The following SV2B variants were observed in gnomAD, a reference collection of about 807,000 sequenced individuals.
SV2B encodes the protein solute carrier family 22 member B2.
Under a neutral mutation model 73.9 loss-of-function variants are expected in SV2B, and 41 were observed. That is an observed-to-expected ratio of 0.56 (90% confidence interval 0.43 to 0.72). The LOEUF (loss-of-function observed/expected upper bound fraction) is 0.72, where lower values mean the gene tolerates loss of function less well. SV2B is among the 30% of genes least tolerant of loss of function. The probability of loss-of-function intolerance (pLI) is 0.00; values close to 1 mark genes in which losing one functional copy is unlikely to be tolerated. For synonymous variants in SV2B, 314 were observed against 314.2 expected, an observed-to-expected ratio of 1.00 and a Z score of 0.01; for missense variants, 764 against 857.8, an observed-to-expected ratio of 0.89 and a Z score of 1.37.
At chr15:91,286,934 G>A (rs1318009032) in intron 11 of SV2B, among the ~76,000 whole-genome samples, 1 of 152,160 alleles carries the variant, frequency 6.6e-6, no homozygotes, top group African/African-American at 2.4e-5. Context: ...CTGACTATTA[G>A]CTGATGTGTC....
intron 1 of SV2B, among the ~76,000 whole-genome samples, chr15:91,162,341 G>T (rs1341282497): frequency 6.6e-6 from 1 of 152,170 alleles, no homozygotes; most frequent in Admixed American, 6.5e-5. Context: ...GGAGCCAGAT[G>T]AATTTCTATA....
intron 2 of SV2B, among the ~76,000 whole-genome samples, chr15:91,247,378 G>C (rs192870749): frequency 6.6e-6 from 1 of 152,338 alleles, no homozygotes; most frequent in Non-Finnish European, 1.5e-5. Context: ...GGGATAGTCA[G>C]GAGACAAATC....
At chr15:91,213,667 T>G (rs1044166843) in intron 1 of SV2B, among the ~76,000 whole-genome samples, 2 of 152,200 alleles carry the variant, frequency 1.3e-5, no homozygotes, top group African/African-American at 2.4e-5. Context: ...TCCTCTTACT[T>G]AATTTTAAAA....
chr15:91,244,127 T>C (rs1405292269), intron 2 of SV2B, among the ~76,000 whole-genome samples: 5 of 152,190 alleles, frequency 3.3e-5, no homozygotes, highest in South Asian at 2.1e-4. Context: ...ACTTTAATAA[T>C]TGTGGTCAGA....
intron 2 of SV2B, among the ~76,000 whole-genome samples, chr15:91,238,951 G>C (rs2141550089): frequency 6.6e-6 from 1 of 152,366 alleles, no homozygotes; most frequent in African/African-American, 2.4e-5. Flanking sequence ...TTTGAGGCCA[G>C]TGGGTGTAAA....
chr15:91,279,982 T>G (rs1416871693), intron 9 of SV2B, among the ~76,000 whole-genome samples: 3 of 152,246 alleles, frequency 2.0e-5, no homozygotes, highest in African/African-American at 7.2e-5. Context: ...TAGTTTGGTT[T>G]TCTAGACCAA....
chr15:91,178,085 G>A (rs1260479926), intron 1 of SV2B, among the ~76,000 whole-genome samples: 1 of 151,810 alleles, frequency 6.6e-6, no homozygotes, highest in Admixed American at 6.6e-5. Flanking sequence ...CTAATTTATT[G>A]AGAGTTTTTA....
chr15:91,127,007 T>C (rs1220291613), intron 1 of SV2B, among the ~76,000 whole-genome samples: 1 of 152,232 alleles, frequency 6.6e-6, no homozygotes, highest in Non-Finnish European at 1.5e-5. Context: ...GGCTTTGGAA[T>C]GAAAGAACTT....
Position 91,226,437 on chromosome 15 carries a change from T to C in SV2B, c.174T>C (p.Asp58=), listed in dbSNP as rs748078230. ...ACCAGGGTATCCCTCACCCAGATGATGTCAAGGCCAAGCAGGCCAAGATGG... is the reference window on the plus strand; with the variant it reads ...ACCAGGGTATCCCTCACCCAGATGACGTCAAGGCCAAGCAGGCCAAGATGG... The part of the protein sequence containing the change: ...GEYQGIPHPD[D]VKAKQAKMAP... The change falls in exon 2 of 13, where the codon GAT becomes GAC. Residue 58 remains aspartate (D), a synonymous_variant. Transcript: ENST00000394232. The C allele has an allele frequency of 4.3e-6, 7 of 1,614,084 alleles. No individual in the cohort carries two copies. Among genetic ancestry groups the C allele is most frequent in the Non-Finnish European group, 5.9e-6 (7 of 1,180,002 alleles).
intron 9 of SV2B, among the ~76,000 whole-genome samples, chr15:91,271,085 T>TGTGGATGGTGAATCCTGTGGATGATGG (rs1345222356): frequency 8.3e-5 from 6 of 71,968 alleles, no homozygotes; most frequent in Non-Finnish European, 1.7e-4. Flanking sequence ...TGGATGATGT[T>TGTGGATGGTGAATCCTGTGGATGATGG]GTGGATGGTG....
chr15:91,230,805 A>G (rs1472602723), intron 2 of SV2B, among the ~76,000 whole-genome samples: 4 of 152,244 alleles, frequency 2.6e-5, no homozygotes, highest in African/African-American at 9.6e-5. Context: ...CTAATGGTGG[A>G]AATAGAGGTC....
chr15:91,107,366 G>A (rs895527321), intron 1 of SV2B, among the ~76,000 whole-genome samples: 2 of 151,618 alleles, frequency 1.3e-5, no homozygotes, highest in Admixed American at 6.6e-5. Context: ...AGGCTGGAGT[G>A]TAGTGGCACA....
chr15:91,217,781 G>A (rs1385773023), intron 1 of SV2B, among the ~76,000 whole-genome samples: 1 of 152,232 alleles, frequency 6.6e-6, no homozygotes, highest in East Asian at 1.9e-4. Flanking sequence ...AAATCGTCCA[G>A]AACAATCCCT....
intron 2 of SV2B, among the ~76,000 whole-genome samples, chr15:91,233,571 A>G (rs1357341728): frequency 2.0e-5 from 3 of 152,158 alleles, no homozygotes; most frequent in African/African-American, 7.2e-5. Context: ...GAGAACATTG[A>G]TTGGGAAGGA....
chr15:91,197,430 G>A lies in SV2B; in HGVS notation c.-391-28443G>A, dbSNP rs2045289014. On this transcript the variant is annotated intron_variant, in intron 1 of 12. Transcript: ENST00000394232. This position sits in a 1 kb window ranked among gnomAD's most constrained non-coding sequence, Gnocchi z 4.9. ...GTAGAGATGGGGTTTCTCCATGTTG[G>A]TCAGGCTGGTCTCAAACTCCCGACT... 6.6e-6 allele frequency among the ~76,000 whole-genome samples: 1 copy of A among 151,524 alleles called. No individual in the cohort carries two copies. The highest frequency in any genetic ancestry group is 6.6e-5 in the Admixed American group (1 of 15,244).
At chr15:91,151,005 G>A (rs2043299257) in intron 1 of SV2B, among the ~76,000 whole-genome samples, 1 of 152,176 alleles carries the variant, frequency 6.6e-6, no homozygotes, top group Non-Finnish European at 1.5e-5. Context: ...CCTGGGAGGG[G>A]GCATGGGTTC....
At chr15:91,153,349 C>T (rs183857198) in intron 1 of SV2B, among the ~76,000 whole-genome samples, 58 of 152,260 alleles carry the variant, frequency 3.8e-4, no homozygotes, top group Admixed American at 1.2e-3. Context: ...CTGTGTGTCC[C>T]ACCCTTGGGA....
chr15:91,110,494 A>G lies in SV2B; in HGVS notation c.-392+10131A>G, dbSNP rs550754995. On this transcript the variant is annotated intron_variant, in intron 1 of 12. Coordinates refer to ENST00000394232, the MANE Select transcript of SV2B (RefSeq NM_001323032.3). The surrounding 1 kb of genome is among the most constrained non-coding windows in gnomAD (Gnocchi z 5.4). ...TGCCTGGCTCCCAGAGCCCAGGCCC[A>G]GTGAGGGTGGCTCCTGTGTTGCCTG... 2.0e-5 allele frequency among the ~76,000 whole-genome samples: 3 copies of G among 152,314 alleles called. No homozygotes were observed. Among genetic ancestry groups the G allele is most frequent in the South Asian group, 4.1e-4 (2 of 4,822 alleles).
intron 1 of SV2B, among the ~76,000 whole-genome samples, chr15:91,180,807 A>G (rs1207704226): frequency 6.6e-6 from 1 of 152,118 alleles, no homozygotes; most frequent in Non-Finnish European, 1.5e-5. Flanking sequence ...AATTTTTTTC[A>G]AAGTTTTCAA....
Sources: gnomAD v4.1 joint callset for allele counts (sites outside exome capture counted in the v4.1 genomes callset) on GRCh38, gnomAD v4.1.1 for gene constraint, Gnocchi (gnomAD v3.1) non-coding constraint, MANE v1.5 for transcripts, NCBI Gene and HGNC (gene_info 2026-07-23, HGNC 2026-07-21) for gene names.